ASAP2: variants seen among roughly 807,000 people sequenced by gnomAD.
The protein encoded by ASAP2 is arf-GAP with SH3 domain, ANK repeat and PH domain-containing protein 2.
ASAP2 carries 45 observed loss-of-function variants against 131.4 expected under a neutral mutation model. The observed-to-expected ratio is 0.34, with a 90% CI of 0.27 to 0.44. ASAP2 has a LOEUF of 0.44. ASAP2 is among the 20% of genes least tolerant of loss of function. ASAP2 has a pLI of 1.00. For missense variants in ASAP2, 1,011 were observed against 1,297.0 expected (o/e 0.78, Z 3.39); for synonymous variants, 510 against 503.0 (o/e 1.01, Z -0.19).
chr2:9,225,299 C>A (rs937648154), intron 1 of ASAP2, among the ~76,000 whole-genome samples: 2 of 152,176 alleles, frequency 1.3e-5, no homozygotes, highest in African/African-American at 4.8e-5. Flanking sequence ...GTCCCAGAGT[C>A]TGTCTCAGCT....
chr2:9,235,231 A>G (rs1663461905), intron 1 of ASAP2, among the ~76,000 whole-genome samples: 1 of 152,174 alleles, frequency 6.6e-6, no homozygotes, highest in South Asian at 2.1e-4. Context: ...GATGAGTTAG[A>G]TGACCTTTTG....
intron 9 of ASAP2, among the ~76,000 whole-genome samples, chr2:9,342,630 A>G (rs929102222): frequency 2.0e-5 from 3 of 152,252 alleles, no homozygotes; most frequent in Non-Finnish European, 4.4e-5. Context: ...TTACAGTACA[A>G]GTGACAAATG....
chr2:9,226,088 C>T (rs980295817), intron 1 of ASAP2, among the ~76,000 whole-genome samples: 8 of 152,178 alleles, frequency 5.3e-5, no homozygotes, highest in African/African-American at 1.2e-4. Context: ...CTGCCTCATG[C>T]GAGCTAGTCT....
In ASAP2 at chr2:9,385,312, A is replaced by G. The variant is rs1675183472; in HGVS notation, c.2084A>G (p.His695Arg). 6.2e-7 allele frequency: 1 copy of G among 1,614,242 alleles called. No homozygotes were observed. The highest frequency in any genetic ancestry group is 8.5e-7 in the Non-Finnish European group (1 of 1,180,026). The stretch of plus-strand genomic sequence containing the variant: ...GTTGAATATGAATGGCGACTACTCC[A>G]CGAAGACCTGGATGAAAGTGATGAC... ...VHVEYEWRLLHEDLDESDDDM... is the reference protein window; with the variant it reads ...VHVEYEWRLLREDLDESDDDM... The change falls in exon 21 of 28, where the codon CAC (histidine) becomes CGC (arginine). Residue 695 changes from histidine (H) to arginine (R), a missense_variant. Physicochemically the swap from His to Arg is conservative, Grantham distance 29 (BLOSUM62 0). Transcript: ENST00000281419.
chr2:9,390,117 T>C (rs1243033271), intron 22 of ASAP2, among the ~76,000 whole-genome samples: 2 of 152,208 alleles, frequency 1.3e-5, no homozygotes, highest in Admixed American at 1.3e-4. Flanking sequence ...GGGTTTTGAT[T>C]TTTTTTCCTT....
chr2:9,386,498 A>G (rs1279666307), intron 21 of ASAP2, among the ~76,000 whole-genome samples: 1 of 152,200 alleles, frequency 6.6e-6, no homozygotes, highest in East Asian at 1.9e-4. Context: ...GTCCAAGGAA[A>G]AGCACAAGAG....
In ASAP2 at chr2:9,325,619, G is replaced by C. The variant is rs116728748; in HGVS notation, c.601-2207G>C. Among the ~76,000 whole-genome samples the C allele has an allele frequency of 9.3e-3, 1,412 of 152,308 alleles. 16 individuals carry two copies. Among genetic ancestry groups the C allele is most frequent in the African/African-American group, 0.032 (1,312 of 41,566 alleles). On this transcript the variant is annotated intron_variant, in intron 6 of 27. Coordinates refer to ENST00000281419, the MANE Select transcript of ASAP2 (RefSeq NM_003887.3). ...CATAGCCATGACTTGAGGAGTAATT[G>C]GTTCCCCACTTGGCTCTGTCGTTGC... is the stretch of plus-strand genomic sequence containing the variant.
intron 1 of ASAP2, among the ~76,000 whole-genome samples, chr2:9,216,556 G>A (rs534553104): frequency 2.7e-5 from 4 of 150,438 alleles, no homozygotes; most frequent in Middle Eastern, 3.4e-3. Context: ...TGCCTCCCAG[G>A]TTCAAGTGAT....
Position 9,206,953 on chromosome 2 carries a change from C to CCCCGCGCGGCT in ASAP2, c.-144_-134dup. 1.4e-6 allele frequency: 1 copy of CCCCGCGCGGCT among 695,150 alleles called. No individual in the cohort carries two copies. Among genetic ancestry groups the CCCCGCGCGGCT allele is most frequent in the Non-Finnish European group, 1.8e-6 (1 of 567,126 alleles). 43.1% of individuals were successfully genotyped at this position (695,150 alleles called of 1,614,324 possible). A position where few individuals can be genotyped will look rare whatever the true frequency, so the allele number is the denominator to read the frequency against. ...GCGCCGCCCCTGCTCCGCCGCCAGG[C>CCCCGCGCGGCT]CCCGCGCGGCTCCCGCGCCCGGCGC... On this transcript the variant is annotated 5_prime_UTR_variant, in exon 1 of 28. Transcript: ENST00000281419. This position sits in a 1 kb window ranked among gnomAD's most constrained non-coding sequence, Gnocchi z 4.0.
At chr2:9,345,954 G>C (rs1321722629) in intron 11 of ASAP2, among the ~76,000 whole-genome samples, 2 of 152,044 alleles carry the variant, frequency 1.3e-5, no homozygotes, top group African/African-American at 4.8e-5. Flanking sequence ...AGAGGAGCTA[G>C]AATAGTATAT....
At chr2:9,358,655 A>G in intron 14 of ASAP2, 101 bp from the exon 15 acceptor site, 1 of 1,412,204 alleles carries the variant, frequency 7.1e-7, no homozygotes, top group East Asian at 2.4e-5. Flanking sequence ...GAAAATGCTC[A>G]TGCTCAGAAC....
At position 9,226,966 on chromosome 2, in the gene ASAP2, G is replaced by A. The variant is rs114137583; in HGVS notation, c.126+19736G>A. Reference sequence around the variant, plus strand: ...CCTGGGATAGGCTGTTGTCAGTGGAGCAGAGGTGTCGCCCAGCCAGAAGGG... The same window carrying A: ...CCTGGGATAGGCTGTTGTCAGTGGAACAGAGGTGTCGCCCAGCCAGAAGGG... On this transcript the variant is annotated intron_variant, in intron 1 of 27. Coordinates refer to ENST00000281419, the MANE Select transcript of ASAP2 (RefSeq NM_003887.3). 6.8e-3 allele frequency among the ~76,000 whole-genome samples: 1,030 copies of A among 152,250 alleles called. 16 individuals are homozygous for A. The highest frequency in any genetic ancestry group is 0.024 in the African/African-American group (978 of 41,530).
rs58275721 is a variant in ASAP2, at chr2:9,352,212, A to AAC, written c.1111+1351_1111+1352dup. 8.2e-3 allele frequency among the ~76,000 whole-genome samples: 1,223 copies of AAC among 150,052 alleles called. 14 individuals carry two copies. Among genetic ancestry groups the AAC allele is most frequent in the African/African-American group, 0.026 (1,054 of 40,556 alleles). ...ACCCTAACTCTTTAAAACACACACA[A>AAC]ACACACACACACACACACACACACA... On this transcript the variant is annotated intron_variant, in intron 12 of 27. Coordinates refer to ENST00000281419, the MANE Select transcript of ASAP2 (RefSeq NM_003887.3).
intron 9 of ASAP2, among the ~76,000 whole-genome samples, chr2:9,340,128 T>G (rs1383498156): frequency 1.3e-5 from 2 of 152,212 alleles, no homozygotes; most frequent in African/African-American, 4.8e-5. Flanking sequence ...GTTCAAGTGA[T>G]TCTTCTGTCT....
In ASAP2 at chr2:9,281,530, C is replaced by T. The variant is rs116502976; in HGVS notation, c.199+2141C>T. Among the ~76,000 whole-genome samples the T allele has an allele frequency of 2.7e-3, 412 of 152,294 alleles. 1 individual carries two copies. The highest frequency in any genetic ancestry group is 9.4e-3 in the African/African-American group (392 of 41,554). ...ACCTCATTCCTATTTCTAACCACCC[C>T]CAAGCGTCGTTTGCTAAAATGCAAC... is the stretch of plus-strand genomic sequence containing the variant. On this transcript the variant is annotated intron_variant, in intron 2 of 27. Coordinates refer to ENST00000281419, the MANE Select transcript of ASAP2 (RefSeq NM_003887.3). This position sits in a 1 kb window ranked among gnomAD's most constrained non-coding sequence, Gnocchi z 4.0.
In ASAP2 at chr2:9,389,784, A is replaced by G. The variant is rs567511528; in HGVS notation, c.2383+1238A>G. On this transcript the variant is annotated intron_variant, in intron 22 of 27. Transcript: ENST00000281419. This position sits in a 1 kb window ranked among gnomAD's most constrained non-coding sequence, Gnocchi z 4.7. Reference sequence around the variant, plus strand: ...ACAGCCCACATCCCAGACCGCGTCCATCCCTGGCTTGATGAGGACGTCCCT... The same window carrying G: ...ACAGCCCACATCCCAGACCGCGTCCGTCCCTGGCTTGATGAGGACGTCCCT... 2.0e-5 allele frequency among the ~76,000 whole-genome samples: 3 copies of G among 152,282 alleles called. No homozygotes were observed. The highest frequency in any genetic ancestry group is 1.9e-4 in the East Asian group (1 of 5,180).
chr2:9,351,818 C>A (rs781273180), intron 12 of ASAP2, among the ~76,000 whole-genome samples: 4 of 152,218 alleles, frequency 2.6e-5, no homozygotes, highest in Non-Finnish European at 2.9e-5. Context: ...TGCTCTTATC[C>A]TCCCTGTTCC....
At position 9,323,258 on chromosome 2, in the gene ASAP2, G is replaced by C; in HGVS notation, c.600+8G>C. 5.0e-6 allele frequency: 8 copies of C among 1,614,078 alleles called. No individual in the cohort carries two copies. Among genetic ancestry groups the C allele is most frequent in the Non-Finnish European group, 6.8e-6 (8 of 1,179,962 alleles). On this transcript the variant is annotated splice_region_variant and intron_variant, in intron 6 of 27. Transcript: ENST00000281419. ...CAGCTACAGATGTGCGAGGTAAGGC[G>C]GTGGTGAAGGCAGGTCCTACAGCCC...
chr2:9,396,471 C>G (rs911954208), intron 24 of ASAP2, among the ~76,000 whole-genome samples: 1 of 151,930 alleles, frequency 6.6e-6, no homozygotes, highest in Admixed American at 6.6e-5. Context: ...AGGTGGGGGT[C>G]TCCTTATGTT....
Sources: gnomAD v4.1 joint callset for allele counts (sites outside exome capture counted in the v4.1 genomes callset) on GRCh38, gnomAD v4.1.1 for gene constraint, Gnocchi (gnomAD v3.1) non-coding constraint, MANE v1.5 for transcripts, NCBI Gene and HGNC (gene_info 2026-07-23, HGNC 2026-07-21) for gene names.